Variants in RPP40 observed in about 807,000 individuals in gnomAD.
RPP40 encodes ribonuclease P/MRP subunit p40.
A neutral mutation model predicts 42.5 loss-of-function variants in RPP40; 30 were observed. That is an observed-to-expected ratio of 0.71 (90% confidence interval 0.53 to 0.96). The LOEUF (loss-of-function observed/expected upper bound fraction) is 0.96, where lower values mean the gene tolerates loss of function less well. RPP40 is among the 40% of genes least tolerant of loss of function. The pLI is 0.00. For missense variants in RPP40, 426 were observed against 433.5 expected (o/e 0.98, Z 0.15); for synonymous variants, 173 against 164.0 (o/e 1.05, Z -0.42).
chr6:4,995,910 T>C (rs368857643), intron 7 of RPP40, 41 bp downstream of exon 7: 52 of 1,596,224 alleles, frequency 3.3e-5, no homozygotes, highest in Middle Eastern at 1.7e-4. Flanking sequence ...TACTGTTCTA[T>C]AGAGCACTGA....
chr6:4,995,937 T>C lies in RPP40; in HGVS notation c.893+14A>G. The C allele has an allele frequency of 6.2e-7, 1 of 1,612,808 alleles. No homozygotes were observed. The highest frequency in any genetic ancestry group is 8.5e-7 in the Non-Finnish European group (1 of 1,179,206). On this transcript the variant is annotated intron_variant, in intron 7 of 7. Transcript: ENST00000380051. ...GAGCACTGATGAGCGATATAAAAGG[T>C]AAAGAGTTCTCACCAGAGATGTTCC...
rs73717801 is a variant in RPP40, at chr6:5,002,840, T to C, written c.124-595A>G. On this transcript the variant is annotated intron_variant, in intron 1 of 7. Transcript: ENST00000380051. ...TTAAAAACAGGGCAGGCTTCAAATG[T>C]TGCCACATTGTAAAAGTCATCACTG... Among the ~76,000 whole-genome samples the C allele has an allele frequency of 9.1e-3, 1,390 of 152,288 alleles. 22 individuals are homozygous for C. Among genetic ancestry groups the C allele is most frequent in the African/African-American group, 0.032 (1,315 of 41,550 alleles).
At position 5,002,153 on chromosome 6, in the gene RPP40, T is replaced by C. The variant is rs1175861534; in HGVS notation, c.216A>G (p.Leu72=). The C allele has an allele frequency of 6.2e-7, 1 of 1,612,604 alleles. No individual in the cohort carries two copies. Residue 72 remains leucine, a synonymous_variant, in exon 2 of 8, where the codon TTA becomes TTG. Coordinates refer to ENST00000380051, the MANE Select transcript of RPP40 (RefSeq NM_006638.4). ...NTGPYYFVKN[L]PLHELITPEF... ...CAGGTGTAATTAATTCATGAAGAGG[T>C]AAATTCTTCACAAAGTAATAGGGTC...
chr6:4,990,586 C>T (rs1311421479), downstream of RPP40, among the ~76,000 whole-genome samples: 2 of 151,886 alleles, frequency 1.3e-5, no homozygotes, highest in Non-Finnish European at 2.9e-5. Context: ...TAGGCTCAAG[C>T]AATCATCCTG....
chr6:5,001,721 C>G (rs750773842), intron 2 of RPP40: 45 of 174,392 alleles, frequency 2.6e-4, no homozygotes, highest in Non-Finnish European at 4.8e-4. Flanking sequence ...GTGGCTGTAT[C>G]GGGAGACCAA....
downstream of RPP40, among the ~76,000 whole-genome samples, chr6:4,993,088 G>A (rs1459209420): frequency 6.6e-6 from 1 of 152,032 alleles, no homozygotes; most frequent in African/African-American, 2.4e-5. Flanking sequence ...CTTTTAAAGA[G>A]GTTTAAATAA....
rs1025088760 is a variant in RPP40 at position 5,003,822 on chromosome 6, CCT to C, written c.123+56_123+57del. 167 of 1,569,406 alleles carry C rather than the reference CCT, an allele frequency of 1.1e-4. No homozygotes were observed. The Middle Eastern group carries it at 4.2e-3, about 40-fold the overall frequency. ...CGCGAAGCCTAGCACTCTCCCCAAACCTCTCTCGCACGCGGGGACTGAGCACG... is the reference window on the plus strand; with the variant it reads ...CGCGAAGCCTAGCACTCTCCCCAAACCTCTCGCACGCGGGGACTGAGCACG... On this transcript the variant is annotated intron_variant, in intron 1 of 7. Transcript: ENST00000380051.
downstream of RPP40, among the ~76,000 whole-genome samples, chr6:4,994,122 T>C (rs1441767840): frequency 2.0e-5 from 3 of 151,796 alleles, no homozygotes; most frequent in African/African-American, 7.3e-5. Flanking sequence ...TCTTGTTTTT[T>C]ACATTAAAAA....
At position 4,995,888 on chromosome 6, in the gene RPP40, T is replaced by C. The variant is rs112527824; in HGVS notation, c.893+63A>G. On this transcript the variant is annotated intron_variant, in intron 7 of 7. Coordinates refer to ENST00000380051, the MANE Select transcript of RPP40 (RefSeq NM_006638.4). ...CCACCTCCCAAAATGAAAAAATCTA[T>C]ACTATTCGACATACTGTTCTATAGA... is the stretch of plus-strand genomic sequence containing the variant. The C allele has an allele frequency of 3.3e-6, 5 of 1,504,476 alleles. No homozygotes were observed. In the African/African-American group the frequency reaches 5.6e-5, roughly 17 times the overall value. The allele number at this position is 1,504,476 out of a possible 1,614,324, so 93.2% of individuals were successfully genotyped here. A position where few individuals can be genotyped will look rare whatever the true frequency, so the allele number is the denominator to read the frequency against.
Position 4,996,240 on chromosome 6 carries a change from A to T in RPP40, c.740T>A (p.Val247Asp). The T allele has an allele frequency of 6.2e-7, 1 of 1,613,856 alleles. No individual in the cohort carries two copies. The highest frequency in any genetic ancestry group is 8.5e-7 in the Non-Finnish European group (1 of 1,179,946). ...ALELFDWLGA[V>D]FSNVDLNNEP... is the part of the protein sequence containing the mutation. ...TACCCACAGGTCGACATTACTGAAG[A>T]CGGCGCCGAGCCAGTCGAAGAGCTC... Residue 247 changes from valine (V) to aspartate (D), a missense_variant, in exon 6 of 8, where the codon GTC (valine) becomes GAC (aspartate). Physicochemically the swap from Val to Asp is radical, Grantham distance 152. Coordinates refer to ENST00000380051, the MANE Select transcript of RPP40 (RefSeq NM_006638.4).
chr6:4,994,244 T>A (rs1284587357), downstream of RPP40, among the ~76,000 whole-genome samples: 1 of 82,818 alleles, frequency 1.2e-5, no homozygotes, highest in Non-Finnish European at 2.3e-5. Context: ...CGGGGCCTGT[T>A]GTGGGGTGGG....
chr6:4,993,057 G>C (rs116547142), downstream of RPP40, among the ~76,000 whole-genome samples: 781 of 152,232 alleles, frequency 5.1e-3, 8 homozygotes, highest in African/African-American at 0.017. Context: ...CCTACACTAT[G>C]ACTTTTATTT....
At chr6:4,998,450 T>G (rs1759447166) in intron 5 of RPP40, among the ~76,000 whole-genome samples, 2 of 152,162 alleles carry the variant, frequency 1.3e-5, no homozygotes, top group Admixed American at 1.3e-4. Flanking sequence ...TAGATAAAAT[T>G]TAGCTGCTCT....
At chr6:4,996,140 A>G (rs1759371877) in intron 6 of RPP40, 55 bp from the exon 7 acceptor site, 2 of 1,608,718 alleles carry the variant, frequency 1.2e-6, no homozygotes, top group African/African-American at 1.3e-5. Flanking sequence ...CCATCACATG[A>G]TCACTTCCAA....
At chr6:4,993,545 A>AT (rs1249247949), downstream of RPP40, among the ~76,000 whole-genome samples, 9 of 151,892 alleles carry the variant, frequency 5.9e-5, no homozygotes, top group Non-Finnish European at 1.3e-4. Context: ...TACACTTGTG[A>AT]TTTTTTTCTA....
chr6:4,995,751 C>T (rs1050965998), intron 7 of RPP40, among the ~76,000 whole-genome samples, 200 bp downstream of exon 7: 1 of 152,204 alleles, frequency 6.6e-6, no homozygotes, highest in Admixed American at 6.5e-5. Flanking sequence ...TTAAATCTGA[C>T]ATTTCAAAAG....
At chr6:4,999,071 T>C (rs1216035385) in intron 4 of RPP40, among the ~76,000 whole-genome samples, 1 of 152,190 alleles carries the variant, frequency 6.6e-6, no homozygotes, top group African/African-American at 2.4e-5. Context: ...ATATGTTTCC[T>C]AGGTCAAAGA....
chr6:4,991,282 T>C (rs970380673), downstream of RPP40, among the ~76,000 whole-genome samples: 3 of 152,220 alleles, frequency 2.0e-5, no homozygotes, highest in Non-Finnish European at 2.9e-5. Context: ...TGTTTTGAAT[T>C]TGAGACTTTT....
chr6:4,997,818 G>A (rs1258334085), intron 5 of RPP40, among the ~76,000 whole-genome samples: 2 of 152,210 alleles, frequency 1.3e-5, no homozygotes, highest in Non-Finnish European at 2.9e-5. Context: ...TACCTAGTTA[G>A]CCTGCAAGTA....
Sources: allele counts gnomAD v4.1 joint callset (sites outside exome capture counted in the v4.1 genomes callset), GRCh38; gene constraint gnomAD v4.1.1; transcripts MANE v1.5; gene names NCBI Gene and HGNC (gene_info 2026-07-23, HGNC 2026-07-21).